HOXC6: variants seen among roughly 807,000 people sequenced by gnomAD.
HOXC6 encodes homeobox protein Hox-C6.
HOXC6 carries 10 observed loss-of-function variants against 24.0 expected under a neutral mutation model. The observed-to-expected ratio is 0.42, with a 90% CI of 0.26 to 0.71. HOXC6 has a LOEUF of 0.71. Among genes scored for constraint, HOXC6 ranks in the 30% least tolerant of loss-of-function variants. HOXC6 has a pLI of 0.28. For missense variants in HOXC6, 258 were observed against 303.4 expected (o/e 0.85, Z 1.11); for synonymous variants, 123 against 128.1 (o/e 0.96, Z 0.27).
intron 1 of HOXC6, chr12:54,020,215 T>C (rs1184010733): frequency 1.3e-5 from 2 of 152,216 alleles, no homozygotes; most frequent in South Asian, 2.1e-4. Context: ...TGGCTGAGAA[T>C]AGAATCTGGC....
intron 1 of HOXC6, among the ~76,000 whole-genome samples, chr12:54,018,796 C>T (rs1592219205): frequency 1.3e-5 from 2 of 152,236 alleles, no homozygotes; most frequent in East Asian, 3.9e-4. Flanking sequence ...TCCGAGAGAA[C>T]CTGGGGGCCA....
intron 1 of HOXC6, 116 bp downstream of exon 1, chr12:54,029,037 C>T (rs1008115998): frequency 2.0e-6 from 2 of 999,918 alleles, no homozygotes; most frequent in East Asian, 2.6e-5. Flanking sequence ...CAATCACGCT[C>T]GTCTCCTCAC....
chr12:54,029,059 C>G (rs1213613069), intron 1 of HOXC6, 138 bp downstream of exon 1: 6 of 846,856 alleles, frequency 7.1e-6, no homozygotes, highest in African/African-American at 3.4e-5. Flanking sequence ...GAGACAGGGC[C>G]CCCTCTTCTG....
upstream of HOXC6, among the ~76,000 whole-genome samples, chr12:54,027,210 A>T (rs1231197327): frequency 2.6e-5 from 4 of 152,204 alleles, no homozygotes; most frequent in Non-Finnish European, 5.9e-5. Flanking sequence ...TGGGGGAATA[A>T]AATGGGCGTT....
chr12:54,024,168 C>A (rs1157334165), upstream of HOXC6, among the ~76,000 whole-genome samples: 1 of 152,206 alleles, frequency 6.6e-6, no homozygotes, highest in Non-Finnish European at 1.5e-5. Context: ...GGGATTTTAG[C>A]CCTCGCCCAG....
At chr12:54,020,580 T>C (rs2136418752) in intron 1 of HOXC6, 1 of 152,342 alleles carries the variant, frequency 6.6e-6, no homozygotes, top group African/African-American at 2.4e-5. Context: ...CTCAGGCTTA[T>C]GCATGAATAT....
Position 54,029,703 on chromosome 12 carries a change from G to C in HOXC6, c.449G>C (p.Arg150Pro). 2 of 1,614,082 alleles carry C rather than the reference G, an allele frequency of 1.2e-6. No individual in the cohort carries two copies. The highest frequency in any genetic ancestry group is 1.7e-6 in the Non-Finnish European group (2 of 1,179,952). ...DRRRGRQIYS[R>P]YQTLELEKEF... ...AGGCGCGGCCGCCAGATCTACTCGCGGTACCAGACCCTGGAACTGGAGAAG... is the reference window on the plus strand; with the variant it reads ...AGGCGCGGCCGCCAGATCTACTCGCCGTACCAGACCCTGGAACTGGAGAAG... Residue 150 changes from arginine to proline, a missense_variant, in exon 2 of 2, where the codon CGG (arginine) becomes CCG (proline). Physicochemically the swap from Arg to Pro is moderately radical, Grantham distance 103. Coordinates refer to ENST00000243108, the MANE Select transcript of HOXC6 (RefSeq NM_004503.4).
At position 54,028,569 on chromosome 12, in the gene HOXC6, G is replaced by T. The variant is rs780711773; in HGVS notation, c.48G>T (p.Gly16=). 1.2e-6 allele frequency: 2 copies of T among 1,613,924 alleles called. No homozygotes were observed. Among genetic ancestry groups the T allele is most frequent in the Non-Finnish European group, 1.7e-6 (2 of 1,180,008 alleles). The change falls in exon 1 of 2, where the codon GGG becomes GGT. Residue 16 remains glycine (G), a synonymous_variant. Coordinates refer to ENST00000243108, the MANE Select transcript of HOXC6 (RefSeq NM_004503.4). ...TNPSLSCHLA[G]GQDVLPNVAL... ...CTTCCTTATCCTGCCACCTCGCCGG[G>T]GGCCAGGACGTCCTCCCCAACGTCG...
upstream of HOXC6, among the ~76,000 whole-genome samples, chr12:54,025,748 A>G (rs536392045): frequency 7.4e-3 from 1,126 of 152,220 alleles, 11 homozygotes; most frequent in Middle Eastern, 0.034. Flanking sequence ...TGAGGCTCAC[A>G]TTCTGCCTCT....
chr12:54,030,143 C>A lies in HOXC6; in HGVS notation c.*181C>A. On this transcript the variant is annotated 3_prime_UTR_variant, in exon 2 of 2. Coordinates refer to ENST00000243108, the MANE Select transcript of HOXC6 (RefSeq NM_004503.4). ...CTGGACCCCCTCCCTCACCGCACAA[C>A]TCTCTTTCACCACGCGCCTCCTCCT... 1.7e-6 allele frequency: 1 copy of A among 586,474 alleles called. No individual in the cohort carries two copies. Among genetic ancestry groups the A allele is most frequent in the Non-Finnish European group, 2.9e-6 (1 of 339,816 alleles). 36.3% of individuals were successfully genotyped at this position (586,474 alleles called of 1,614,324 possible).
chr12:54,026,973 G>C (rs929142089), upstream of HOXC6, among the ~76,000 whole-genome samples: 8 of 140,810 alleles, frequency 5.7e-5, no homozygotes, highest in East Asian at 9.1e-4. Flanking sequence ...GTGGGGGGGG[G>C]GGGATATGAG....
intron 1 of HOXC6, 134 bp from the exon 2 acceptor site, chr12:54,029,521 G>C (rs1041274442): frequency 1.2e-6 from 1 of 867,574 alleles, no homozygotes. Context: ...CAAGGCAAAA[G>C]GGAGAAGGCT....
chr12:54,021,921 C>A (rs1285249747), intron 1 of HOXC6: 1 of 152,332 alleles, frequency 6.6e-6, no homozygotes, highest in Non-Finnish European at 1.5e-5. Flanking sequence ...TTCCAGCAAC[C>A]CCCTCCTGCC....
At chr12:54,027,593 G>C (rs980403090), upstream of HOXC6, among the ~76,000 whole-genome samples, 1 of 151,940 alleles carries the variant, frequency 6.6e-6, no homozygotes, top group Non-Finnish European at 1.5e-5. Flanking sequence ...TTCCCCCTCC[G>C]GTGCCACCTC....
intron 1 of HOXC6, among the ~76,000 whole-genome samples, chr12:54,019,051 C>T (rs1040348301): frequency 2.6e-5 from 4 of 151,422 alleles, no homozygotes; most frequent in Non-Finnish European, 4.4e-5. Flanking sequence ...AATTTTATCT[C>T]CCCTCCCCCC....
At chr12:54,022,909 C>A (rs975058253) in intron 1 of HOXC6, among the ~76,000 whole-genome samples, 1 of 152,150 alleles carries the variant, frequency 6.6e-6, no homozygotes, top group African/African-American at 2.4e-5. Flanking sequence ...ATCCTTTGAC[C>A]CAGTGCAGAG....
At chr12:54,019,457 A>T (rs1367233166) in intron 1 of HOXC6, among the ~76,000 whole-genome samples, 1 of 152,120 alleles carries the variant, frequency 6.6e-6, no homozygotes, top group Non-Finnish European at 1.5e-5. Flanking sequence ...AGAGGCCCGA[A>T]AAAGGGAGCC....
At chr12:54,021,991 G>C (rs1940469966) in intron 1 of HOXC6, 1 of 152,252 alleles carries the variant, frequency 6.6e-6, no homozygotes, top group Non-Finnish European at 1.5e-5. Flanking sequence ...TCTTAAAACA[G>C]GGCAGCTGTT....
chr12:54,024,257 C>T (rs1940583515), upstream of HOXC6, among the ~76,000 whole-genome samples: 1 of 152,084 alleles, frequency 6.6e-6, no homozygotes, highest in South Asian at 2.1e-4. Flanking sequence ...GGGGCAGGGT[C>T]GGGCAGCTGC....
Sources: allele counts gnomAD v4.1 joint callset (sites outside exome capture counted in the v4.1 genomes callset), GRCh38; gene constraint gnomAD v4.1.1; transcripts MANE v1.5; gene names NCBI Gene and HGNC (gene_info 2026-07-23, HGNC 2026-07-21).